ANKFN1: variants seen among roughly 807,000 people sequenced by gnomAD.
ANKFN1 encodes the protein ankyrin repeat and fibronectin type III domain containing 1, also known as ankyrin repeat and fibronectin type-III domain-containing protein 1.
Under a neutral mutation model 108.7 loss-of-function variants are expected in ANKFN1, and 74 were observed. The ratio of observed to expected loss-of-function variants is 0.68; its 90% CI spans 0.56 to 0.83. The LOEUF is 0.83. Among genes scored for constraint, ANKFN1 ranks in the 40% least tolerant of loss-of-function variants. The probability of loss-of-function intolerance (pLI) is 0.00; values close to 1 mark genes in which losing one functional copy is unlikely to be tolerated. For synonymous variants in ANKFN1, 547 were observed against 516.2 expected, an observed-to-expected ratio of 1.06 and a Z score of -0.81; for missense variants, 1,505 against 1,382.3, an observed-to-expected ratio of 1.09 and a Z score of -1.41.
At chr17:56,180,321 G>A (rs1454784048) in intron 1 of ANKFN1, among the ~76,000 whole-genome samples, 1 of 152,204 alleles carries the variant, frequency 6.6e-6, no homozygotes, top group Non-Finnish European at 1.5e-5. Flanking sequence ...CAGCGTGTCT[G>A]TGGTCCTCAT....
Position 56,512,791 on chromosome 17 carries a change from C to T in ANKFN1, c.*1522C>T, listed in dbSNP as rs2051812546. 6.6e-6 allele frequency among the ~76,000 whole-genome samples: 1 copy of T among 152,190 alleles called. No homozygotes were observed. Among genetic ancestry groups the T allele is most frequent in the African/African-American group, 2.4e-5 (1 of 41,450 alleles). ...CCATTTTAAAAACATTTGATTTAAA[C>T]ATAAATAATTACCCTGCTGCAAAGG... On this transcript the variant is annotated 3_prime_UTR_variant, in exon 21 of 21. Coordinates refer to ENST00000682825, the MANE Select transcript of ANKFN1 (RefSeq NM_001370326.1).
chr17:56,153,281 C>T (rs563512114), upstream of ANKFN1, among the ~76,000 whole-genome samples: 6 of 152,182 alleles, frequency 3.9e-5, no homozygotes, highest in Admixed American at 6.5e-5. Context: ...TCTTTGAAAA[C>T]GATTTCTTTG....
chr17:56,152,258 A>ATGTGTGTGTGTGTGTGTG (rs1211660209), upstream of ANKFN1, among the ~76,000 whole-genome samples: 1 of 84,460 alleles, frequency 1.2e-5, no homozygotes, highest in Non-Finnish European at 2.6e-5. Flanking sequence ...ATATATATAT[A>ATGTGTGTGTGTGTGTGTG]TATATGTGTG....
chr17:56,350,895 G>C lies in ANKFN1; in HGVS notation c.318G>C (p.Gly106=). The change falls in exon 5 of 21, where the codon GGG becomes GGC. Residue 106 remains glycine, a synonymous_variant. Coordinates refer to ENST00000682825, the MANE Select transcript of ANKFN1 (RefSeq NM_001370326.1). ...GGAACCTCTCTGAGAAACTGAAAGG[G>C]AGCCACTCTTCCTTCGATGAGGCCT... ...LYRNLSEKLK[G]SHSSFDEAYF... 6.2e-7 allele frequency: 1 copy of C among 1,613,786 alleles called. No homozygotes were observed. The highest frequency in any genetic ancestry group is 1.1e-5 in the South Asian group (1 of 91,070).
At chr17:56,199,745 A>T (rs1913875605) in intron 1 of ANKFN1, among the ~76,000 whole-genome samples, 1 of 152,168 alleles carries the variant, frequency 6.6e-6, no homozygotes, top group South Asian at 2.1e-4. Context: ...TGAATTTTCG[A>T]TAAACAACAA....
chr17:56,159,648 C>T (rs1217532220), intron 1 of ANKFN1, among the ~76,000 whole-genome samples: 1 of 152,208 alleles, frequency 6.6e-6, no homozygotes, highest in Non-Finnish European at 1.5e-5. Flanking sequence ...CTAACCTCTA[C>T]CCTCCCCCTT....
chr17:56,473,939 C>G lies in ANKFN1; in HGVS notation c.1774-3549C>G, dbSNP rs183061106. The stretch of plus-strand genomic sequence containing the variant: ...TCAGTTCTGACCCCCACATGTTTTT[C>G]TGTGATACTCTTACCTATCCTATAT... On this transcript the variant is annotated intron_variant, in intron 15 of 20. Transcript: ENST00000682825. 1.6e-3 allele frequency among the ~76,000 whole-genome samples: 247 copies of G among 152,234 alleles called. 2 individuals carry two copies. Among genetic ancestry groups the G allele is most frequent in the Non-Finnish European group, 2.9e-3 (195 of 68,012 alleles).
At position 56,457,369 on chromosome 17, in the gene ANKFN1, G is replaced by C; in HGVS notation, c.1420G>C (p.Asp474His). The C allele has an allele frequency of 6.3e-7, 1 of 1,597,964 alleles. No individual in the cohort carries two copies. The highest frequency in any genetic ancestry group is 8.5e-7 in the Non-Finnish European group (1 of 1,176,270). Residue 474 changes from aspartate to histidine, a missense_variant, in exon 13 of 21, where the codon GAT becomes CAT. Physicochemically the swap from Asp to His is moderately conservative, Grantham distance 81. Coordinates refer to ENST00000682825, the MANE Select transcript of ANKFN1 (RefSeq NM_001370326.1). Reference sequence around the variant, plus strand: ...CTCTCACACCAGTTCTATTACACAAGATTTTCTGTGGTTCACGAAGGTATA... The same window carrying C: ...CTCTCACACCAGTTCTATTACACAACATTTTCTGTGGTTCACGAAGGTATA... ...DDSHTSSITQDFLWFTKLSCM... is the reference protein window; with the variant it reads ...DDSHTSSITQHFLWFTKLSCM...
intron 1 of ANKFN1, chr17:56,156,663 A>G (rs886722830): frequency 1.4e-4 from 22 of 152,368 alleles, no homozygotes; most frequent in African/African-American, 4.8e-4. Flanking sequence ...GACTTGTGCC[A>G]AGTCTTGCAG....
chr17:56,427,551 A>G (rs1488058130), intron 8 of ANKFN1, among the ~76,000 whole-genome samples: 4 of 151,848 alleles, frequency 2.6e-5, no homozygotes, highest in Non-Finnish European at 4.4e-5. Flanking sequence ...ACTGCCCCCA[A>G]CCCTCTCTCC....
At chr17:56,084,954 G>GCAGCCT (rs1905289896) in intron 4 of ANKFN1, among the ~76,000 whole-genome samples, 1 of 150,910 alleles carries the variant, frequency 6.6e-6, no homozygotes, top group African/African-American at 2.4e-5. Context: ...CAGACCCAGG[G>GCAGCCT]CAGACAATCT....
intron 1 of ANKFN1, among the ~76,000 whole-genome samples, chr17:56,208,254 C>T (rs908116599): frequency 1.1e-4 from 17 of 152,214 alleles, no homozygotes; most frequent in African/African-American, 4.1e-4. Flanking sequence ...CTCCTGACCT[C>T]AGGTGATCCA....
At chr17:56,217,350 G>A (rs1915498285) in intron 2 of ANKFN1, among the ~76,000 whole-genome samples, 1 of 152,180 alleles carries the variant, frequency 6.6e-6, no homozygotes, top group Non-Finnish European at 1.5e-5. Flanking sequence ...CTAAGTCAAA[G>A]ACCATTTCCT....
chr17:56,340,695 G>C (rs2045937632), intron 4 of ANKFN1, among the ~76,000 whole-genome samples: 1 of 152,002 alleles, frequency 6.6e-6, no homozygotes, highest in African/African-American at 2.4e-5. Flanking sequence ...ATGCTGTTTT[G>C]TTTACTGTAC....
chr17:56,439,685 A>G (rs1486070954), intron 8 of ANKFN1, among the ~76,000 whole-genome samples: 1 of 152,162 alleles, frequency 6.6e-6, no homozygotes, highest in Non-Finnish European at 1.5e-5. Flanking sequence ...GAATGTTTTC[A>G]GAAAAAGAAG....
chr17:56,280,832 C>A (rs867624952), intron 3 of ANKFN1, among the ~76,000 whole-genome samples: 1 of 152,104 alleles, frequency 6.6e-6, no homozygotes, highest in African/African-American at 2.4e-5. Flanking sequence ...ATGTCCCCAC[C>A]CAAATCTCAT....
At chr17:56,047,257 T>G (rs1448224795) in intron 4 of ANKFN1, among the ~76,000 whole-genome samples, 1 of 151,484 alleles carries the variant, frequency 6.6e-6, no homozygotes, top group Non-Finnish European at 1.5e-5. Context: ...GCTTCTTTCT[T>G]TCCTTAAAGG....
intron 5 of ANKFN1, among the ~76,000 whole-genome samples, chr17:56,352,513 A>G (rs1360052399): frequency 2.6e-5 from 4 of 152,204 alleles, no homozygotes; most frequent in Admixed American, 2.6e-4. Flanking sequence ...TGTAAATAAT[A>G]CGTGTGTTGG....
intron 8 of ANKFN1, among the ~76,000 whole-genome samples, chr17:56,404,718 G>C (rs1460548449): frequency 1.3e-5 from 2 of 152,122 alleles, no homozygotes; most frequent in Non-Finnish European, 2.9e-5. Flanking sequence ...GTGATTTTGG[G>C]GGGTATGGAA....
Sources: gnomAD v4.1 joint callset for allele counts (sites outside exome capture counted in the v4.1 genomes callset) on GRCh38, gnomAD v4.1.1 for gene constraint, MANE v1.5 for transcripts, NCBI Gene and HGNC (gene_info 2026-07-23, HGNC 2026-07-21) for gene names.